TENM2: variants seen among roughly 807,000 people sequenced by gnomAD.
TENM2 encodes teneurin transmembrane protein 2.
Under a neutral mutation model 245.2 loss-of-function variants are expected in TENM2, and 52 were observed. That is an observed-to-expected ratio of 0.21 (90% CI 0.17 to 0.27). The LOEUF is 0.27. TENM2 is among the 10% of genes least tolerant of loss of function. The pLI is 1.00. For missense variants in TENM2, 3,046 were observed against 3,666.8 expected (o/e 0.83, Z 4.37); for synonymous variants, 1,363 against 1,438.9 (o/e 0.95, Z 1.19).
At chr5:167,884,811 A>T (rs1774157888) in intron 3 of TENM2, among the ~76,000 whole-genome samples, 2 of 152,126 alleles carry the variant, frequency 1.3e-5, no homozygotes, top group African/African-American at 4.8e-5. Context: ...TTCTATACTT[A>T]ATTTTTTAAA....
At chr5:167,332,929 G>A (rs764952596) in intron 1 of TENM2, among the ~76,000 whole-genome samples, 2 of 152,136 alleles carry the variant, frequency 1.3e-5, no homozygotes, top group African/African-American at 4.8e-5. Context: ...AAACTGAAGA[G>A]ACAAATTGAT....
At chr5:167,909,335 A>G (rs1221838124) in intron 3 of TENM2, among the ~76,000 whole-genome samples, 2 of 152,176 alleles carry the variant, frequency 1.3e-5, no homozygotes, top group Non-Finnish European at 2.9e-5. Flanking sequence ...CTGTTGCATA[A>G]TGTAATCACT....
At chr5:167,649,962 A>T (rs1015733456) in intron 2 of TENM2, among the ~76,000 whole-genome samples, 1 of 152,190 alleles carries the variant, frequency 6.6e-6, no homozygotes, top group Admixed American at 6.5e-5. Flanking sequence ...AGACTCTGGA[A>T]TTACTTATTG....
intron 7 of TENM2, among the ~76,000 whole-genome samples, chr5:168,070,704 G>T (rs1013412966): frequency 6.6e-6 from 1 of 151,268 alleles, no homozygotes. Context: ...TGGGAGGATT[G>T]CTTGAGCCCA....
intron 23 of TENM2, among the ~76,000 whole-genome samples, chr5:168,221,670 T>C (rs1562298447): frequency 6.6e-6 from 1 of 152,182 alleles, no homozygotes; most frequent in Non-Finnish European, 1.5e-5. Flanking sequence ...TCCAGAAACT[T>C]CCAGGACATC....
chr5:167,347,758 ATATT>A lies in TENM2; in HGVS notation c.227-27432_227-27429del, dbSNP rs1471379513. Among the ~76,000 whole-genome samples the A allele has an allele frequency of 4.0e-5, 6 of 150,174 alleles. No individual in the cohort carries two copies. In the South Asian group the frequency reaches 8.4e-4, roughly 21 times the overall value. ...CTCCTCCTGTCCTATCAATCTATTTATATTTATTTATGAAAAACCTTCTATTTAT... is the reference window on the plus strand; with the variant it reads ...CTCCTCCTGTCCTATCAATCTATTTATATTTATGAAAAACCTTCTATTTAT... On this transcript the variant is annotated intron_variant, in intron 1 of 28. Transcript: ENST00000518659.
chr5:168,118,999 C>G (rs928929566), intron 10 of TENM2, among the ~76,000 whole-genome samples: 1 of 152,174 alleles, frequency 6.6e-6, no homozygotes, highest in Non-Finnish European at 1.5e-5. Context: ...GTTACTAACT[C>G]TTCCTGGTAA....
chr5:167,555,753 C>T (rs1046299773), intron 2 of TENM2, among the ~76,000 whole-genome samples: 3 of 152,148 alleles, frequency 2.0e-5, no homozygotes, highest in African/African-American at 7.2e-5. Flanking sequence ...AATCAGTAAA[C>T]ACAGCCAATT....
At chr5:167,036,632 A>C in the TENM2 span, among the ~76,000 whole-genome samples, 1 of 152,120 alleles carries the variant, frequency 6.6e-6, no homozygotes, top group Admixed American at 6.5e-5. Context: ...CCCAGAATTG[A>C]GACGTCCTTT....
the TENM2 span, among the ~76,000 whole-genome samples, chr5:167,010,060 G>A: frequency 2.0e-5 from 3 of 152,138 alleles, no homozygotes; most frequent in Admixed American, 6.6e-5. Context: ...AACGTGACAC[G>A]AGTAGGTGTC....
rs553776121 is a variant in TENM2 at position 168,040,910 on chromosome 5, A to G, written c.1187-6517A>G. ...CGAGCAGATTTATTTTACGTTGACA[A>G]TGGTGGTTCAAGTTAAATAGCAAAC... is the stretch of plus-strand genomic sequence containing the variant. On this transcript the variant is annotated intron_variant, in intron 5 of 28. Transcript: ENST00000518659. Among the ~76,000 whole-genome samples the G allele has an allele frequency of 3.3e-5, 5 of 152,346 alleles. No individual in the cohort carries two copies. The South Asian group carries it at 1.0e-3, about 32-fold the overall frequency.
At chr5:167,372,833 TATACACAC>T (rs1279500199) in intron 1 of TENM2, among the ~76,000 whole-genome samples, 10 of 152,252 alleles carry the variant, frequency 6.6e-5, no homozygotes, top group African/African-American at 2.4e-4. Flanking sequence ...TAATATTGTG[TATACACAC>T]ATACACACAT....
At chr5:167,045,811 A>G in the TENM2 span, among the ~76,000 whole-genome samples, 5 of 152,212 alleles carry the variant, frequency 3.3e-5, no homozygotes, top group Non-Finnish European at 7.3e-5. Context: ...AAGCAAACCA[A>G]CGGGTTATTC....
chr5:167,544,199 C>A (rs1471137002), intron 2 of TENM2, among the ~76,000 whole-genome samples: 1 of 152,128 alleles, frequency 6.6e-6, no homozygotes, highest in Non-Finnish European at 1.5e-5. Flanking sequence ...GTATGGTTGA[C>A]CCTCTTGTGT....
At chr5:168,037,233 G>A (rs1172017662) in intron 5 of TENM2, among the ~76,000 whole-genome samples, 2 of 152,086 alleles carry the variant, frequency 1.3e-5, no homozygotes, top group African/African-American at 4.8e-5. Context: ...AAATTGAAAA[G>A]GACTCTGGCA....
intron 4 of TENM2, among the ~76,000 whole-genome samples, chr5:167,982,833 T>C (rs1044521630): frequency 1.3e-5 from 2 of 152,170 alleles, no homozygotes; most frequent in South Asian, 2.1e-4. Flanking sequence ...AAAACAAATG[T>C]AATCACATGA....
At chr5:167,918,092 C>T (rs1777083139) in intron 3 of TENM2, among the ~76,000 whole-genome samples, 1 of 152,170 alleles carries the variant, frequency 6.6e-6, no homozygotes, top group Admixed American at 6.5e-5. Context: ...GGTTAAACAA[C>T]AGTGAGAAAA....
chr5:167,312,684 A>G (rs971723334), intron 1 of TENM2, among the ~76,000 whole-genome samples: 6 of 152,112 alleles, frequency 3.9e-5, no homozygotes, highest in Non-Finnish European at 2.9e-5. Context: ...CATTTGCTAC[A>G]TAAACCTGAA....
At chr5:168,083,467 C>T (rs1304969542) in intron 7 of TENM2, among the ~76,000 whole-genome samples, 1 of 152,142 alleles carries the variant, frequency 6.6e-6, no homozygotes, top group Non-Finnish European at 1.5e-5. Flanking sequence ...CTGACAAGCC[C>T]CAGTGAGATG....
Sources: gnomAD v4.1 joint callset for allele counts (sites outside exome capture counted in the v4.1 genomes callset) on GRCh38, gnomAD v4.1.1 for gene constraint, MANE v1.5 for transcripts, NCBI Gene and HGNC (gene_info 2026-07-23, HGNC 2026-07-21) for gene names.